The following ARRDC1 variants were observed in gnomAD, a reference collection of about 807,000 sequenced individuals.
The protein encoded by ARRDC1 is arrestin domain containing 1.
A neutral mutation model predicts 40.1 loss-of-function variants in ARRDC1; 37 were observed. That is an observed-to-expected ratio of 0.92 (90% CI 0.71 to 1.21). The LOEUF (loss-of-function observed/expected upper bound fraction) is 1.21. Ranked by LOEUF, ARRDC1 falls within the 50% of genes most tolerant of loss-of-function variation. The pLI, the probability that ARRDC1 is intolerant of heterozygous loss-of-function variation, is 0.00. For synonymous variants in ARRDC1, 310 were observed against 262.5 expected (o/e 1.18, Z -1.75); for missense variants, 641 against 581.9 (o/e 1.10, Z -1.04).
Position 137,614,705 on chromosome 9 carries a change from G to A in ARRDC1, c.942G>A (p.Gln314=). ...TGGTGGTGCCTTCCGCACCACCCCA[G>A]GAGGAGGCTGAGGCTGAGGCTGCGG... is the stretch of plus-strand genomic sequence containing the variant. The part of the protein sequence containing the change: ...PPLVVPSAPP[Q]EEAEAEAAAG... The change falls in exon 7 of 8, where the codon CAG becomes CAA. Residue 314 remains glutamine, a synonymous_variant. Coordinates refer to ENST00000371421, the MANE Select transcript of ARRDC1 (RefSeq NM_152285.4). 1 of 1,611,056 alleles carries A rather than the reference G, an allele frequency of 6.2e-7. No individual in the cohort carries two copies. Among genetic ancestry groups the A allele is most frequent in the Non-Finnish European group, 8.5e-7 (1 of 1,179,218 alleles).
intron 4 of ARRDC1, 97 bp downstream of exon 4, chr9:137,613,866 C>A: frequency 6.4e-7 from 1 of 1,552,800 alleles, no homozygotes; most frequent in South Asian, 1.2e-5. Context: ...GTCCTGTCCC[C>A]AGCTGAGGTG....
At chr9:137,608,753 T>C (rs537145529) in intron 1 of ARRDC1, among the ~76,000 whole-genome samples, 1 of 152,392 alleles carries the variant, frequency 6.6e-6, no homozygotes, top group South Asian at 2.1e-4. Flanking sequence ...TCCAGGTGTT[T>C]TGGCAGGGAA....
intron 1 of ARRDC1, among the ~76,000 whole-genome samples, chr9:137,607,914 G>GGCCTGCA (rs1842450470): frequency 6.6e-6 from 1 of 152,206 alleles, no homozygotes; most frequent in South Asian, 2.1e-4. Context: ...GAGTCAGAGA[G>GGCCTGCA]GCCTGCAGCC....
chr9:137,610,401 T>C (rs1023178337), intron 1 of ARRDC1, among the ~76,000 whole-genome samples: 2 of 152,070 alleles, frequency 1.3e-5, no homozygotes, highest in Non-Finnish European at 2.9e-5. Flanking sequence ...ATTTTTCTTT[T>C]TTTTTTCTTT....
intron 4 of ARRDC1, 125 bp from the exon 5 acceptor site, chr9:137,613,907 C>T (rs1159252081): frequency 6.5e-7 from 1 of 1,535,284 alleles, no homozygotes; most frequent in South Asian, 1.2e-5. Flanking sequence ...GCAGTGGCCT[C>T]TTTGCCCTGA....
At chr9:137,610,950 G>T (rs1275376159) in intron 1 of ARRDC1, among the ~76,000 whole-genome samples, 2 of 152,218 alleles carry the variant, frequency 1.3e-5, no homozygotes, top group Non-Finnish European at 1.5e-5. Context: ...ACCCGCCTTG[G>T]CCTCCCACAG....
At position 137,609,657 on chromosome 9, in the gene ARRDC1, T is replaced by C. The variant is rs551685116; in HGVS notation, c.119-3239T>C. Among the ~76,000 whole-genome samples the C allele has an allele frequency of 2.0e-5, 3 of 152,328 alleles. No individual in the cohort carries two copies. The South Asian group carries it at 6.2e-4, about 32-fold the overall frequency. ...CTCCCACCACAGCCTCCTGAGTGAC[T>C]GGGACCAGGGGCACGCGCCACCACA... On this transcript the variant is annotated intron_variant, in intron 1 of 7. Transcript: ENST00000371421.
At chr9:137,609,862 T>G (rs1436053430) in intron 1 of ARRDC1, among the ~76,000 whole-genome samples, 1 of 152,104 alleles carries the variant, frequency 6.6e-6, no homozygotes, top group Non-Finnish European at 1.5e-5. Context: ...TCTGATGGAT[T>G]GAAATGGTAG....
Position 137,614,873 on chromosome 9 carries a change from G to A in ARRDC1, c.1110G>A (p.Leu370=), listed in dbSNP as rs1262392244. The change falls in exon 7 of 8, where the codon CTG becomes CTA. Residue 370 remains leucine (L), a synonymous_variant. Transcript: ENST00000371421. ...PQDGSPASHP[L]HPPLCISTGA... ...ATGGCAGCCCTGCCTCACACCCGCTGCACCCTCCCTTGTGCATTTCAACAG... is the reference window on the plus strand; with the variant it reads ...ATGGCAGCCCTGCCTCACACCCGCTACACCCTCCCTTGTGCATTTCAACAG... 6.2e-6 allele frequency: 10 copies of A among 1,613,476 alleles called. No individual in the cohort carries two copies. Among genetic ancestry groups the A allele is most frequent in the Non-Finnish European group, 7.6e-6 (9 of 1,179,994 alleles).
intron 1 of ARRDC1, among the ~76,000 whole-genome samples, chr9:137,608,230 C>T (rs1396012249): frequency 6.6e-6 from 1 of 152,222 alleles, no homozygotes; most frequent in East Asian, 1.9e-4. Context: ...ATCCGCCCGC[C>T]TCGGCCTCCC....
chr9:137,613,119 G>GC (rs1842568140), intron 2 of ARRDC1, 113 bp downstream of exon 2: 1 of 903,968 alleles, frequency 1.1e-6, no homozygotes, highest in South Asian at 1.4e-5. Context: ...TCTGGCACTG[G>GC]CCCATCTTGT....
At chr9:137,612,350 T>A (rs960637207) in intron 1 of ARRDC1, 2 of 160,194 alleles carry the variant, frequency 1.2e-5, no homozygotes, top group African/African-American at 2.4e-5. Flanking sequence ...CGCTGGGCAG[T>A]GCTCGCCCAG....
intron 1 of ARRDC1, among the ~76,000 whole-genome samples, chr9:137,608,814 A>C (rs1372583097): frequency 6.6e-6 from 1 of 152,042 alleles, no homozygotes; most frequent in South Asian, 2.1e-4. Context: ...CTTACTGAGG[A>C]GTGTGTGGGG....
intron 1 of ARRDC1, 39 bp from the exon 2 acceptor site, chr9:137,612,857 G>T: frequency 1.3e-6 from 2 of 1,534,502 alleles, no homozygotes; most frequent in Non-Finnish European, 9.0e-7. Flanking sequence ...GGCCTGGGCC[G>T]TCGGCTGGCT....
intron 1 of ARRDC1, 26 bp downstream of exon 1, chr9:137,605,861 C>T: frequency 1.7e-6 from 2 of 1,211,940 alleles, no homozygotes; most frequent in Non-Finnish European, 2.1e-6. Flanking sequence ...CGGGGAGGGC[C>T]TTTGGCCGCA....
chr9:137,611,185 C>G (rs1024298515), intron 1 of ARRDC1, among the ~76,000 whole-genome samples: 3 of 152,104 alleles, frequency 2.0e-5, no homozygotes, highest in Non-Finnish European at 2.9e-5. Context: ...TACTGGTGTT[C>G]CGGATTTTCA....
chr9:137,613,386 C>T (rs1340395231), intron 2 of ARRDC1, 74 bp from the exon 3 acceptor site: 22 of 1,534,682 alleles, frequency 1.4e-5, no homozygotes, highest in Middle Eastern at 2.3e-4. Flanking sequence ...AGTGCCCACT[C>T]TTATCCTGGC....
chr9:137,610,448 T>C (rs1842494845), intron 1 of ARRDC1, among the ~76,000 whole-genome samples: 1 of 152,122 alleles, frequency 6.6e-6, no homozygotes, highest in Non-Finnish European at 1.5e-5. Flanking sequence ...CAGGCTAAAG[T>C]GCATTTGTGC....
intron 1 of ARRDC1, among the ~76,000 whole-genome samples, chr9:137,608,831 G>A (rs1373215575): frequency 6.6e-6 from 1 of 152,212 alleles, no homozygotes; most frequent in Non-Finnish European, 1.5e-5. Context: ...GGGGCAGCTC[G>A]GGACAGGTTT....
Sources: allele counts gnomAD v4.1 joint callset (sites outside exome capture counted in the v4.1 genomes callset), GRCh38; gene constraint gnomAD v4.1.1; transcripts MANE v1.5; gene names NCBI Gene and HGNC (gene_info 2026-07-23, HGNC 2026-07-21).